Variants in LONP2 observed in about 807,000 individuals in gnomAD.
LONP2 encodes lon peptidase 2, peroxisomal.
Under a neutral mutation model 85.6 loss-of-function variants are expected in LONP2, and 60 were observed. That is an observed-to-expected ratio of 0.70 (90% CI 0.57 to 0.87). The LOEUF is 0.87. Among genes scored for constraint, LONP2 ranks in the 40% least tolerant of loss-of-function variants. LONP2 has a pLI of 0.00. For missense variants in LONP2, 860 were observed against 1,063.5 expected (o/e 0.81, Z 2.66); for synonymous variants, 395 against 389.7 (o/e 1.01, Z -0.16).
rs112324978 is a variant in LONP2 at position 48,245,600 on chromosome 16, C to T, written c.233+979C>T. ...AGCATTGAAAGTCCTATGTTTTAGC[C>T]CCTCCGTCCCAGGGAAACCAGGAGG... On this transcript the variant is annotated intron_variant, in intron 1 of 14. Coordinates refer to ENST00000285737, the MANE Select transcript of LONP2 (RefSeq NM_031490.5). Among the ~76,000 whole-genome samples the T allele has an allele frequency of 8.5e-3, 1,291 of 152,164 alleles. 15 individuals carry two copies. Among genetic ancestry groups the T allele is most frequent in the African/African-American group, 0.029 (1,193 of 41,482 alleles).
chr16:48,351,564 T>C lies in LONP2; in HGVS notation c.2338-17T>C. ...AGGGTGATCATTAACCCTAAAAACTTTTTTCTCTCCTTACAGGTGGGTGGA... is the reference window on the plus strand; with the variant it reads ...AGGGTGATCATTAACCCTAAAAACTCTTTTCTCTCCTTACAGGTGGGTGGA... On this transcript the variant is annotated splice_polypyrimidine_tract_variant and intron_variant, in intron 14 of 14. Coordinates refer to ENST00000285737, the MANE Select transcript of LONP2 (RefSeq NM_031490.5). The C allele has an allele frequency of 6.2e-7, 1 of 1,607,658 alleles. No individual in the cohort carries two copies. The highest frequency in any genetic ancestry group is 8.5e-7 in the Non-Finnish European group (1 of 1,176,340).
intron 12 of LONP2, chr16:48,344,255 C>T (rs954579022): frequency 6.6e-6 from 1 of 152,144 alleles, no homozygotes; most frequent in Non-Finnish European, 1.5e-5. Context: ...AGTTTCAGAA[C>T]ACGTCCTTAA....
At chr16:48,281,066 T>G (rs1379916338) in intron 8 of LONP2, among the ~76,000 whole-genome samples, 4 of 152,190 alleles carry the variant, frequency 2.6e-5, no homozygotes, top group African/African-American at 9.6e-5. Context: ...AAAACCTGCT[T>G]TTAAAAAATG....
At chr16:48,260,100 T>C (rs551253360) in intron 4 of LONP2, among the ~76,000 whole-genome samples, 3 of 152,330 alleles carry the variant, frequency 2.0e-5, no homozygotes, top group Admixed American at 1.3e-4. Context: ...ATCACTGATA[T>C]GCTTATAAAA....
intron 4 of LONP2, 101 bp downstream of exon 4, chr16:48,258,841 A>G (rs1185097738): frequency 1.8e-6 from 2 of 1,099,572 alleles, no homozygotes; most frequent in Non-Finnish European, 2.4e-6. Context: ...CACTCGCACT[A>G]CTGATAAAAT....
intron 5 of LONP2, among the ~76,000 whole-genome samples, chr16:48,262,106 A>G (rs1971891258): frequency 6.6e-6 from 1 of 152,172 alleles, no homozygotes; most frequent in Non-Finnish European, 1.5e-5. Flanking sequence ...AACATTAGTA[A>G]TTGTAGTTGA....
chr16:48,362,740 A>G lies in LONP2; in HGVS notation c.*877A>G, dbSNP rs1182025653. On this transcript the variant is annotated 3_prime_UTR_variant, in exon 5 of 5. Transcript: ENST00000565867. This position sits in a 1 kb window ranked among gnomAD's most constrained non-coding sequence, Gnocchi z 4.2. ...TAAAATAGAAAATGGACCATAAACA[A>G]CTAAAGAAACTATACAAGGAACTGA... 1.2e-5 allele frequency: 3 copies of G among 256,250 alleles called. No homozygotes were observed. Among genetic ancestry groups the G allele is most frequent in the Non-Finnish European group, 2.4e-5 (3 of 123,474 alleles). 15.9% of individuals were successfully genotyped at this position (256,250 alleles called of 1,614,324 possible).
chr16:48,360,637 T>C (rs1461131569), downstream of LONP2: 1 of 152,688 alleles, frequency 6.5e-6, no homozygotes, highest in Non-Finnish European at 1.5e-5. Flanking sequence ...TTACAAATAC[T>C]GTGCATGACG....
intron 1 of LONP2, among the ~76,000 whole-genome samples, chr16:48,246,787 C>G (rs1157624334): frequency 6.6e-6 from 1 of 152,110 alleles, no homozygotes; most frequent in Admixed American, 6.5e-5. Context: ...GTTGCTTAGG[C>G]TGGTCTCAAA....
chr16:48,340,229 G>A (rs768079013), intron 12 of LONP2, among the ~76,000 whole-genome samples: 4 of 152,192 alleles, frequency 2.6e-5, no homozygotes, highest in Non-Finnish European at 5.9e-5. Flanking sequence ...TTTAAACTTA[G>A]TCTCTTTGAG....
intron 6 of LONP2, among the ~76,000 whole-genome samples, chr16:48,266,522 C>T (rs1971994293): frequency 6.6e-6 from 1 of 152,086 alleles, no homozygotes; most frequent in Non-Finnish European, 1.5e-5. Context: ...CTTCCCCGCC[C>T]CTTTCCTCCT....
chr16:48,305,197 T>C (rs543239836), intron 11 of LONP2, among the ~76,000 whole-genome samples: 1 of 152,322 alleles, frequency 6.6e-6, no homozygotes, highest in African/African-American at 2.4e-5. Context: ...GTAGAGGTAG[T>C]GAGTTCTAAT....
At chr16:48,361,716 G>A, downstream of LONP2, 1 of 1,614,140 alleles carries the variant, frequency 6.2e-7, no homozygotes, top group Non-Finnish European at 8.5e-7. Flanking sequence ...TCGAGGAGTC[G>A]CTTCCCAAGT....
At chr16:48,261,369 C>T in intron 4 of LONP2, 55 bp from the exon 5 acceptor site, 1 of 1,362,608 alleles carries the variant, frequency 7.3e-7, no homozygotes, top group Non-Finnish European at 1.0e-6. Flanking sequence ...TACCTGGGTA[C>T]TTCGTTTCCA....
chr16:48,309,089 C>G (rs1972975488), intron 11 of LONP2, among the ~76,000 whole-genome samples: 2 of 152,132 alleles, frequency 1.3e-5, no homozygotes, highest in South Asian at 2.1e-4. Flanking sequence ...AATGAAAAAT[C>G]TATGAGATAC....
At chr16:48,288,290 A>C (rs1254210786) in intron 8 of LONP2, among the ~76,000 whole-genome samples, 2 of 151,584 alleles carry the variant, frequency 1.3e-5, no homozygotes, top group East Asian at 2.0e-4. Flanking sequence ...AGTAGCTGAG[A>C]TTACAGGCAC....
At chr16:48,348,069 C>T in intron 13 of LONP2, 31 bp from the exon 14 acceptor site, 1 of 1,550,252 alleles carries the variant, frequency 6.5e-7, no homozygotes, top group Non-Finnish European at 8.7e-7. Context: ...TTTAATTTTT[C>T]TACATTAAAG....
intron 8 of LONP2, among the ~76,000 whole-genome samples, chr16:48,294,250 T>A (rs2150994536): frequency 6.6e-6 from 1 of 152,226 alleles, no homozygotes; most frequent in South Asian, 2.1e-4. Flanking sequence ...CTGTGAACAG[T>A]TTTTAGATGA....
chr16:48,295,209 T>C (rs1972642054), intron 8 of LONP2, among the ~76,000 whole-genome samples: 1 of 152,106 alleles, frequency 6.6e-6, no homozygotes, highest in Non-Finnish European at 1.5e-5. Flanking sequence ...CCATCTCTAC[T>C]AAAAATACAA....
Sources: gnomAD v4.1 joint callset for allele counts (sites outside exome capture counted in the v4.1 genomes callset) on GRCh38, gnomAD v4.1.1 for gene constraint, Gnocchi (gnomAD v3.1) non-coding constraint, MANE v1.5 for transcripts, NCBI Gene and HGNC (gene_info 2026-07-23, HGNC 2026-07-21) for gene names.